The following COQ5 variants were observed in gnomAD, a reference collection of about 807,000 sequenced individuals.
The protein encoded by COQ5 is 2-methoxy-6-polyprenyl-1,4-benzoquinol methylase, mitochondrial.
A neutral mutation model predicts 40.5 loss-of-function variants in COQ5; 27 were observed. That is an observed-to-expected ratio of 0.67 (90% confidence interval 0.49 to 0.92). The LOEUF is 0.92. Among genes scored for constraint, COQ5 ranks in the 40% least tolerant of loss-of-function variants. The probability of loss-of-function intolerance (pLI) is 0.00; values close to 1 mark genes in which losing one functional copy is unlikely to be tolerated. For synonymous variants in COQ5, 141 were observed against 150.0 expected (o/e 0.94, Z 0.44); for missense variants, 409 against 406.4 (o/e 1.01, Z -0.06).
chr12:120,514,010 G>C (rs73403947), intron 3 of COQ5, among the ~76,000 whole-genome samples: 1 of 151,968 alleles, frequency 6.6e-6, no homozygotes, highest in Non-Finnish European at 1.5e-5. Flanking sequence ...AGAGCTCGAC[G>C]GGCAGGCTAT....
intron 1 of COQ5, chr12:120,524,152 G>A (rs1869817801): frequency 1.8e-5 from 4 of 223,680 alleles, no homozygotes; most frequent in Admixed American, 1.2e-4. Flanking sequence ...CAATTTAGAG[G>A]GCTCTCATGA....
At chr12:120,522,920 A>T in intron 1 of COQ5, 1 of 689,096 alleles carries the variant, frequency 1.5e-6, no homozygotes, top group Non-Finnish European at 2.6e-6. Context: ...CAGCACGTGC[A>T]CTCGTGGCCC....
rs571221054 is a variant in COQ5 at position 120,515,508 on chromosome 12, TGAG to T, written c.574+1056_574+1058del. 3.9e-3 allele frequency among the ~76,000 whole-genome samples: 587 copies of T among 152,270 alleles called. 5 individuals carry two copies. Among genetic ancestry groups the T allele is most frequent in the African/African-American group, 0.013 (558 of 41,550 alleles). ...TCGTATTTACCACAGTGGGGAAGTGTGAGGAGTACTGTTCACGAGTGTTTCTTT... is the reference window on the plus strand; with the variant it reads ...TCGTATTTACCACAGTGGGGAAGTGTGAGTACTGTTCACGAGTGTTTCTTT... On this transcript the variant is annotated intron_variant, in intron 3 of 6. Transcript: ENST00000288532.
chr12:120,512,007 CAA>C (rs1869157273), intron 3 of COQ5, among the ~76,000 whole-genome samples: 1 of 151,710 alleles, frequency 6.6e-6, no homozygotes, highest in Admixed American at 6.6e-5. Flanking sequence ...GTCAGGAGTT[CAA>C]GACCATCCGG....
intron 4 of COQ5, among the ~76,000 whole-genome samples, chr12:120,505,277 G>GAT (rs1212109799): frequency 6.6e-6 from 1 of 152,176 alleles, no homozygotes; most frequent in African/African-American, 2.4e-5. Flanking sequence ...AATCACAATG[G>GAT]ATATCCTCTC....
intron 1 of COQ5, among the ~76,000 whole-genome samples, chr12:120,524,370 C>T (rs988100901): frequency 1.3e-5 from 2 of 152,048 alleles, no homozygotes; most frequent in African/African-American, 4.8e-5. Context: ...ACGCCATTCT[C>T]CTGCCTCAGC....
intron 4 of COQ5, among the ~76,000 whole-genome samples, chr12:120,505,833 G>A (rs1352733739): frequency 1.3e-5 from 2 of 151,366 alleles, no homozygotes; most frequent in Non-Finnish European, 2.9e-5. Context: ...TGGGATTACA[G>A]GTGTGAGCCA....
At position 120,526,867 on chromosome 12, in the gene COQ5, A is replaced by G. The variant is rs371553147; in HGVS notation, c.202+2073T>C. 190 of 161,256 alleles carry G rather than the reference A, an allele frequency of 1.2e-3. 5 individuals carry two copies. The South Asian group carries it at 0.028, about 24-fold the overall frequency. The allele number at this position is 161,256 out of a possible 1,614,324, so 10.0% of individuals were successfully genotyped here. On this transcript the variant is annotated intron_variant, in intron 1 of 6. Coordinates refer to ENST00000288532, the MANE Select transcript of COQ5 (RefSeq NM_032314.4). ...GTAGCTGGGACTACAGGCGCCCGCC[A>G]CCATGCCCGGCTAATTTTTTTGTAT...
At chr12:120,514,766 C>T (rs540548330) in intron 3 of COQ5, among the ~76,000 whole-genome samples, 1 of 151,754 alleles carries the variant, frequency 6.6e-6, no homozygotes, top group South Asian at 2.1e-4. Flanking sequence ...ACAACAACAA[C>T]AACAACAACA....
chr12:120,513,519 T>C (rs1593018072), intron 3 of COQ5, among the ~76,000 whole-genome samples: 1 of 149,846 alleles, frequency 6.7e-6, no homozygotes, highest in African/African-American at 2.4e-5. Context: ...AAAAAAAAAG[T>C]AGTTAAGTTA....
chr12:120,523,939 G>C (rs1057149423), intron 1 of COQ5: 29 of 422,168 alleles, frequency 6.9e-5, no homozygotes, highest in Non-Finnish European at 1.3e-4. Context: ...GAACCTGGAA[G>C]GTAGAGGTTG....
Position 120,519,158 on chromosome 12 carries a change from T to A in COQ5, c.353-2370A>T, listed in dbSNP as rs192899053. 7.6e-4 allele frequency among the ~76,000 whole-genome samples: 116 copies of A among 152,360 alleles called. 1 individual carries two copies. Among genetic ancestry groups the A allele is most frequent in the African/African-American group, 2.5e-3 (106 of 41,586 alleles). Reference sequence around the variant, plus strand: ...GCCTTAATTTAAAGCCATGTCCTTATTGGGAAGAAATAGGTTATTTCCAAT... The same window carrying A: ...GCCTTAATTTAAAGCCATGTCCTTAATGGGAAGAAATAGGTTATTTCCAAT... On this transcript the variant is annotated intron_variant, in intron 2 of 6. Transcript: ENST00000288532.
Position 120,514,692 on chromosome 12 carries a change from G to A in COQ5, c.574+1875C>T, listed in dbSNP as rs538294007. On this transcript the variant is annotated intron_variant, in intron 3 of 6. Transcript: ENST00000288532. ...CGGGAGGCAGAGGTTGTAGTGACCC[G>A]AGATCGCTCCACTGTACTCCATCCT... 5.9e-5 allele frequency among the ~76,000 whole-genome samples: 9 copies of A among 151,756 alleles called. No individual in the cohort carries two copies. The South Asian group carries it at 1.7e-3, about 28-fold the overall frequency.
rs747738620 is a variant in COQ5, at chr12:120,516,543, G to GT, written c.574+23dup. 9 of 1,527,990 alleles carry GT rather than the reference G, an allele frequency of 5.9e-6. No individual in the cohort carries two copies. In the South Asian group the frequency reaches 1.0e-4, roughly 17 times the overall value. 94.7% of individuals were successfully genotyped at this position (1,527,990 alleles called of 1,614,324 possible). On this transcript the variant is annotated intron_variant, in intron 3 of 6. Transcript: ENST00000288532. ...CTATAAAGATACAAATACTTCCCCT[G>GT]TGTCTGCCTTCTGCAGGACTCACCA...
chr12:120,523,476 C>A, intron 1 of COQ5: 1 of 301,914 alleles, frequency 3.3e-6, no homozygotes, highest in Non-Finnish European at 6.4e-6. Flanking sequence ...GCCTGCTCCC[C>A]GCTGCTGCTC....
chr12:120,517,557 C>T (rs1284102896), intron 2 of COQ5, among the ~76,000 whole-genome samples: 5 of 149,432 alleles, frequency 3.3e-5, no homozygotes, highest in Non-Finnish European at 7.4e-5. Context: ...TGGTGGGTGC[C>T]TGTAGTCCCA....
chr12:120,529,156 G>A lies in COQ5; in HGVS notation c.-15C>T, dbSNP rs1361737366. Reference sequence around the variant, plus strand: ...GGGGCCGCCATCTTGGTAGTCGAGTGACAACGGCCAGAGAGTACGCCTTGT... The same window carrying A: ...GGGGCCGCCATCTTGGTAGTCGAGTAACAACGGCCAGAGAGTACGCCTTGT... On this transcript the variant is annotated 5_prime_UTR_variant, in exon 1 of 7. Coordinates refer to ENST00000288532, the MANE Select transcript of COQ5 (RefSeq NM_032314.4). The A allele has an allele frequency of 1.9e-6, 3 of 1,606,808 alleles. No individual in the cohort carries two copies. Among genetic ancestry groups the A allele is most frequent in the East Asian group, 2.2e-5 (1 of 44,754 alleles).
intron 3 of COQ5, among the ~76,000 whole-genome samples, chr12:120,515,255 C>T (rs904636924): frequency 7.9e-5 from 12 of 152,084 alleles, no homozygotes; most frequent in Non-Finnish European, 1.6e-4. Context: ...CCACACTTGG[C>T]TAACTTAAAT....
intron 3 of COQ5, among the ~76,000 whole-genome samples, chr12:120,515,011 C>T (rs1162528672): frequency 2.0e-5 from 3 of 152,012 alleles, no homozygotes; most frequent in African/African-American, 4.8e-5. Flanking sequence ...AGGCTGGTCT[C>T]GAACTCCAGA....
Sources: gnomAD v4.1 joint callset for allele counts (sites outside exome capture counted in the v4.1 genomes callset) on GRCh38, gnomAD v4.1.1 for gene constraint, MANE v1.5 for transcripts, NCBI Gene and HGNC (gene_info 2026-07-23, HGNC 2026-07-21) for gene names.